Variants in TPST1 observed in about 807,000 individuals in gnomAD.
TPST1 encodes the protein tyrosylprotein sulfotransferase 1.
A neutral mutation model predicts 34.8 loss-of-function variants in TPST1; 20 were observed. That is an observed-to-expected ratio of 0.57 (90% CI 0.40 to 0.84). The LOEUF (loss-of-function observed/expected upper bound fraction) is 0.84, where lower values mean the gene tolerates loss of function less well. Ranked by LOEUF, TPST1 falls within the 40% of genes least tolerant of loss-of-function variation. TPST1 has a pLI of 0.00. For missense variants in TPST1, 353 were observed against 455.5 expected, an observed-to-expected ratio of 0.78 and a Z score of 2.05; for synonymous variants, 152 against 159.4, an observed-to-expected ratio of 0.95 and a Z score of 0.35.
intron 2 of TPST1, among the ~76,000 whole-genome samples, chr7:66,283,366 T>A (rs7783889): frequency 0.23 from 34,871 of 152,108 alleles, 4,175 homozygotes; most frequent in East Asian, 0.3. Context: ...AGAAAGCCTA[T>A]TTTTCCTTAG....
chr7:66,300,644 T>G (rs1318181798), intron 3 of TPST1, among the ~76,000 whole-genome samples: 1 of 152,192 alleles, frequency 6.6e-6, no homozygotes, highest in Non-Finnish European at 1.5e-5. Flanking sequence ...AATGTATTTC[T>G]TAAATAATAA....
At chr7:66,354,626 T>C (rs1792547087) in intron 4 of TPST1, among the ~76,000 whole-genome samples, 1 of 148,342 alleles carries the variant, frequency 6.7e-6, no homozygotes. Context: ...AAAGGGACAC[T>C]CCTGCTTCAC....
chr7:66,226,230 T>C (rs1053739604), intron 1 of TPST1, among the ~76,000 whole-genome samples: 2 of 152,112 alleles, frequency 1.3e-5, no homozygotes, highest in Non-Finnish European at 2.9e-5. Context: ...TGTGAGCTGG[T>C]GCTCTGCTAA....
intron 2 of TPST1, among the ~76,000 whole-genome samples, chr7:66,263,493 A>T (rs1790529063): frequency 6.6e-6 from 1 of 152,130 alleles, no homozygotes; most frequent in Non-Finnish European, 1.5e-5. Flanking sequence ...GCTGACAAAA[A>T]CCTGAGGCAA....
chr7:66,210,599 T>C (rs1250612339), intron 1 of TPST1, among the ~76,000 whole-genome samples: 1 of 152,160 alleles, frequency 6.6e-6, no homozygotes, highest in Non-Finnish European at 1.5e-5. Context: ...TATCTAGGAC[T>C]GAGAACTGGG....
intron 2 of TPST1, among the ~76,000 whole-genome samples, chr7:66,286,176 G>A (rs1057114071): frequency 4.6e-5 from 7 of 152,032 alleles, no homozygotes; most frequent in Non-Finnish European, 8.8e-5. Flanking sequence ...TTTCAAGTAA[G>A]TTGACTGACA....
chr7:66,279,618 A>G (rs1007880481), intron 2 of TPST1, among the ~76,000 whole-genome samples: 1 of 151,982 alleles, frequency 6.6e-6, no homozygotes, highest in African/African-American at 2.4e-5. Context: ...TTACTCTACT[A>G]TTTTCTAATA....
intron 4 of TPST1, among the ~76,000 whole-genome samples, chr7:66,354,696 G>GA (rs1382329125): frequency 1.3e-5 from 2 of 151,928 alleles, no homozygotes; most frequent in East Asian, 1.9e-4. Flanking sequence ...GCAAAATAAT[G>GA]AAAGTTGTTA....
intron 1 of TPST1, among the ~76,000 whole-genome samples, chr7:66,225,125 C>A (rs1300104253): frequency 6.6e-6 from 1 of 150,712 alleles, no homozygotes; most frequent in Non-Finnish European, 1.5e-5. Context: ...CCATGTTGGC[C>A]AGGCTGGTCT....
intron 4 of TPST1, among the ~76,000 whole-genome samples, chr7:66,355,393 TG>T (rs1429400302): frequency 1.3e-5 from 2 of 151,592 alleles, no homozygotes; most frequent in Non-Finnish European, 2.9e-5. Flanking sequence ...GACAATCGCT[TG>T]AACTCAGGAG....
intron 1 of TPST1, among the ~76,000 whole-genome samples, chr7:66,240,095 G>A (rs1789996652): frequency 6.6e-6 from 1 of 151,886 alleles, no homozygotes; most frequent in Non-Finnish European, 1.5e-5. Context: ...CACCGTGTTG[G>A]CCGGGATGGT....
At chr7:66,286,473 T>C (rs4291144) in intron 2 of TPST1, 38 bp from the exon 3 acceptor site, 2 of 1,397,848 alleles carry the variant, frequency 1.4e-6, no homozygotes, top group South Asian at 3.6e-5. Flanking sequence ...TTCTAAAAAA[T>C]TTTAAATAAA....
chr7:66,215,388 T>A (rs1005236814), intron 1 of TPST1, among the ~76,000 whole-genome samples: 7 of 150,686 alleles, frequency 4.6e-5, no homozygotes, highest in East Asian at 3.9e-4. Flanking sequence ...ATATATATAT[T>A]TTTTGAGATG....
chr7:66,315,574 A>G (rs899693751), intron 3 of TPST1, among the ~76,000 whole-genome samples: 8 of 152,212 alleles, frequency 5.3e-5, no homozygotes, highest in Non-Finnish European at 7.4e-5. Flanking sequence ...TAACCAGCAC[A>G]CTAGCTAAGA....
chr7:66,238,771 A>G (rs1789963645), intron 1 of TPST1, among the ~76,000 whole-genome samples: 1 of 152,238 alleles, frequency 6.6e-6, no homozygotes, highest in African/African-American at 2.4e-5. Flanking sequence ...AGCCAAGTTG[A>G]CACATAAAAT....
At position 66,322,866 on chromosome 7, in the gene TPST1, G is replaced by T. The variant is rs201296655; in HGVS notation, c.1045-29639G>T. On this transcript the variant is annotated intron_variant, in intron 3 of 5. Coordinates refer to ENST00000304842, the MANE Select transcript of TPST1 (RefSeq NM_003596.4). ...CTTCCAGTAGTGCACAAAGGTTCCA[G>T]TGGTGCACAAAGGTTCCAGTTTTCC... Among the ~76,000 whole-genome samples the T allele has an allele frequency of 5.7e-4, 15 of 26,484 alleles. No individual in the cohort carries two copies. The East Asian group carries it at 6.8e-3, about 12-fold the overall frequency. The allele number at this position is 26,484 out of a possible 152,430, so 17.4% of individuals were successfully genotyped here.
intron 3 of TPST1, among the ~76,000 whole-genome samples, chr7:66,349,836 CAAAT>C (rs1019793742): frequency 3.9e-5 from 6 of 152,202 alleles, no homozygotes; most frequent in African/African-American, 1.4e-4. Flanking sequence ...AAACCCAAAA[CAAAT>C]AAAACATTCT....
chr7:66,232,110 T>G (rs1789809432), intron 1 of TPST1, among the ~76,000 whole-genome samples: 2 of 152,200 alleles, frequency 1.3e-5, no homozygotes, highest in African/African-American at 4.8e-5. Context: ...GTACAAATTC[T>G]TATGTGGAGA....
At chr7:66,275,831 A>G (rs1196254651) in intron 2 of TPST1, among the ~76,000 whole-genome samples, 1 of 152,174 alleles carries the variant, frequency 6.6e-6, no homozygotes, top group East Asian at 1.9e-4. Flanking sequence ...ATAACAGTGT[A>G]TTCTATACTT....
Sources: allele counts gnomAD v4.1 joint callset (sites outside exome capture counted in the v4.1 genomes callset), GRCh38; gene constraint gnomAD v4.1.1; transcripts MANE v1.5; gene names NCBI Gene and HGNC (gene_info 2026-07-23, HGNC 2026-07-21).